The following HLCS variants were observed in gnomAD, a reference collection of about 807,000 sequenced individuals.
The protein encoded by HLCS is holocarboxylase synthetase.
In HLCS, 53 loss-of-function variants were observed where a neutral mutation model predicts 75.0. The ratio of observed to expected loss-of-function variants is 0.71; its 90% CI spans 0.57 to 0.89. The LOEUF (loss-of-function observed/expected upper bound fraction) is 0.89, where lower values mean the gene tolerates loss of function less well. HLCS is among the 40% of genes least tolerant of loss of function. The pLI is 0.00. For synonymous variants in HLCS, 431 were observed against 428.6 expected (o/e 1.01, Z -0.07); for missense variants, 966 against 1,074.0 (o/e 0.90, Z 1.41).
intron 6 of HLCS, among the ~76,000 whole-genome samples, chr21:36,885,328 G>A (rs2064401620): frequency 1.3e-5 from 2 of 151,950 alleles, no homozygotes; most frequent in Non-Finnish European, 1.5e-5. Context: ...GTAACATAGT[G>A]GGACCCCTGT....
At chr21:36,942,232 G>T (rs115394676) in intron 2 of HLCS, among the ~76,000 whole-genome samples, 2,635 of 151,394 alleles carry the variant, frequency 0.017, 80 homozygotes, top group African/African-American at 0.06. Flanking sequence ...TACAGAAAAA[G>T]AAAAAAACCA....
chr21:36,757,040 A>C (rs1220175435), intron 9 of HLCS: 2 of 770,362 alleles, frequency 2.6e-6, no homozygotes, highest in African/African-American at 3.8e-5. Context: ...ATTCAATAGA[A>C]GCTATTAAAT....
rs149149936 is a variant in HLCS at position 36,804,086 on chromosome 21, C to T, written c.1893-36801G>A. 5 of 152,596 alleles carry T rather than the reference C, an allele frequency of 3.3e-5. No homozygotes were observed. The East Asian group carries it at 9.6e-4, about 29-fold the overall frequency. 9.5% of individuals were successfully genotyped at this position (152,596 alleles called of 1,614,324 possible). ...AAAATTCACAGTCACCTTTACAATG[C>T]TAAGCATTTCAACCTTAAATGAATG... On this transcript the variant is annotated intron_variant, in intron 6 of 10. Transcript: ENST00000674895.
At chr21:36,931,760 A>AGAG (rs1555952949) in intron 4 of HLCS, among the ~76,000 whole-genome samples, 1 of 151,936 alleles carries the variant, frequency 6.6e-6, no homozygotes, top group African/African-American at 2.4e-5. Flanking sequence ...AGAAAAAAAA[A>AGAG]AGAGAGAGAG....
intron 6 of HLCS, among the ~76,000 whole-genome samples, chr21:36,815,027 C>CTTTT (rs1195265718): frequency 7.7e-6 from 1 of 129,170 alleles, no homozygotes; most frequent in African/African-American, 2.9e-5. Context: ...TGAAGCTTTG[C>CTTTT]TTTTTTTTTT....
At chr21:36,965,112 T>C (rs1441548942) in intron 1 of HLCS, among the ~76,000 whole-genome samples, 1 of 152,186 alleles carries the variant, frequency 6.6e-6, no homozygotes, top group Non-Finnish European at 1.5e-5. Context: ...TATATGGTAC[T>C]AACAAGAAAG....
At chr21:36,832,562 T>C (rs1221569784) in intron 6 of HLCS, among the ~76,000 whole-genome samples, 2 of 152,194 alleles carry the variant, frequency 1.3e-5, no homozygotes, top group East Asian at 3.9e-4. Context: ...GCTCATTTAA[T>C]ACTCACAACA....
At chr21:36,960,281 C>T (rs2068222722) in intron 2 of HLCS, among the ~76,000 whole-genome samples, 1 of 152,060 alleles carries the variant, frequency 6.6e-6, no homozygotes, top group Admixed American at 6.6e-5. Context: ...CCAGTGGGCA[C>T]AAGCAATACT....
At position 36,966,443 on chromosome 21, in the gene HLCS, C is replaced by T. The variant is rs2068588653; in HGVS notation, c.195+1G>A. 2 of 974,562 alleles carry T rather than the reference C, an allele frequency of 2.1e-6. No homozygotes were observed. Among genetic ancestry groups the T allele is most frequent in the Admixed American group, 6.2e-5 (1 of 16,162 alleles). 60.4% of individuals were successfully genotyped at this position (974,562 alleles called of 1,614,324 possible). On this transcript the variant is annotated splice_donor_variant, in intron 1 of 10. Transcript: ENST00000674895. LOFTEE classifies it high-confidence loss of function. Reference sequence around the variant, plus strand: ...GTCGCCCGCCCGCCCGACCCGCCCACCTGGCTGTCGCTGACGCAGAAGACG... The same window carrying T: ...GTCGCCCGCCCGCCCGACCCGCCCATCTGGCTGTCGCTGACGCAGAAGACG...
chr21:36,824,543 A>T (rs1245510703), intron 6 of HLCS, among the ~76,000 whole-genome samples: 1 of 152,204 alleles, frequency 6.6e-6, no homozygotes, highest in Non-Finnish European at 1.5e-5. Context: ...ACCATGACAC[A>T]CATTTACCTA....
At chr21:36,954,572 G>A (rs572006907) in intron 2 of HLCS, among the ~76,000 whole-genome samples, 10 of 146,312 alleles carry the variant, frequency 6.8e-5, no homozygotes, top group Non-Finnish European at 1.2e-4. Context: ...GCCGAGATGC[G>A]CCACTGCACT....
chr21:36,910,475 G>A (rs1160342774), intron 5 of HLCS, among the ~76,000 whole-genome samples: 1 of 151,956 alleles, frequency 6.6e-6, no homozygotes, highest in African/African-American at 2.4e-5. Context: ...GAACTCCGGA[G>A]GTGGAGGGTG....
At chr21:36,931,754 A>G (rs1281459613) in intron 4 of HLCS, among the ~76,000 whole-genome samples, 1 of 152,122 alleles carries the variant, frequency 6.6e-6, no homozygotes, top group Non-Finnish European at 1.5e-5. Flanking sequence ...TTAAAAAGAA[A>G]AAAAAAAGAG....
intron 2 of HLCS, among the ~76,000 whole-genome samples, chr21:36,942,246 A>G (rs978066281): frequency 6.6e-6 from 1 of 152,008 alleles, no homozygotes; most frequent in Non-Finnish European, 1.5e-5. Context: ...AAAACCACAG[A>G]TAGAGAAGCG....
At chr21:36,905,250 A>C (rs115594960) in intron 5 of HLCS, among the ~76,000 whole-genome samples, 2,966 of 152,308 alleles carry the variant, frequency 0.019, 96 homozygotes, top group African/African-American at 0.067. Flanking sequence ...TTACTGTATA[A>C]ATGCACATTA....
At chr21:36,916,333 A>T (rs936714143) in intron 5 of HLCS, among the ~76,000 whole-genome samples, 2 of 151,950 alleles carry the variant, frequency 1.3e-5, no homozygotes, top group Non-Finnish European at 2.9e-5. Flanking sequence ...TCCGGCTGTA[A>T]GATTTTTTTA....
intron 6 of HLCS, among the ~76,000 whole-genome samples, chr21:36,843,602 C>T (rs942755709): frequency 1.6e-4 from 25 of 152,260 alleles, no homozygotes; most frequent in South Asian, 4.2e-4. Context: ...ACATCATATC[C>T]TACTAATCTT....
intron 5 of HLCS, among the ~76,000 whole-genome samples, chr21:36,906,968 GGT>G (rs2065485712): frequency 6.6e-6 from 1 of 152,046 alleles, no homozygotes; most frequent in African/African-American, 2.4e-5. Flanking sequence ...GGAGTGCAGT[GGT>G]GTGATTACAG....
chr21:36,767,141 C>G, intron 7 of HLCS, 77 bp downstream of exon 7: 1 of 1,406,082 alleles, frequency 7.1e-7, no homozygotes, highest in East Asian at 2.3e-5. Flanking sequence ...CACACACATT[C>G]AATGGGCTCC....
Sources: gnomAD v4.1 joint callset for allele counts (sites outside exome capture counted in the v4.1 genomes callset) on GRCh38, gnomAD v4.1.1 for gene constraint, MANE v1.5 for transcripts, NCBI Gene and HGNC (gene_info 2026-07-23, HGNC 2026-07-21) for gene names.